UNC5D: variants seen among roughly 807,000 people sequenced by gnomAD.
UNC5D encodes the protein netrin receptor UNC5D.
Under a neutral mutation model 105.4 loss-of-function variants are expected in UNC5D, and 39 were observed. That is an observed-to-expected ratio of 0.37 (90% CI 0.29 to 0.48). UNC5D has a LOEUF of 0.48. Ranked by LOEUF, UNC5D falls within the 20% of genes least tolerant of loss-of-function variation. The probability of loss-of-function intolerance (pLI) is 0.98; values close to 1 mark genes in which losing one functional copy is unlikely to be tolerated. For synonymous variants in UNC5D, 452 were observed against 450.4 expected, an observed-to-expected ratio of 1.00 and a Z score of -0.04; for missense variants, 991 against 1,202.4, an observed-to-expected ratio of 0.82 and a Z score of 2.60.
At chr8:35,643,461 C>T (rs1472022764) in intron 4 of UNC5D, among the ~76,000 whole-genome samples, 2 of 152,126 alleles carry the variant, frequency 1.3e-5, no homozygotes, top group East Asian at 3.9e-4. Context: ...GGACTACAGG[C>T]ACATGCCACC....
intron 1 of UNC5D, among the ~76,000 whole-genome samples, chr8:35,360,913 C>T (rs10503978): frequency 0.012 from 1,792 of 152,204 alleles, 65 homozygotes; most frequent in Admixed American, 0.062. Flanking sequence ...GATTGGAACA[C>T]TATTGCAAAA....
chr8:35,498,693 G>A (rs957233430), intron 1 of UNC5D, among the ~76,000 whole-genome samples: 10 of 152,100 alleles, frequency 6.6e-5, no homozygotes, highest in Non-Finnish European at 1.5e-4. Context: ...GAGGTTGGCT[G>A]AATTTCGTCA....
intron 1 of UNC5D, among the ~76,000 whole-genome samples, chr8:35,354,555 C>T (rs530886536): frequency 2.0e-5 from 3 of 152,198 alleles, no homozygotes; most frequent in East Asian, 3.9e-4. Flanking sequence ...ATCATTGATC[C>T]GACCTCTTTC....
chr8:35,644,683 T>C (rs911325109), intron 4 of UNC5D, among the ~76,000 whole-genome samples: 1 of 152,172 alleles, frequency 6.6e-6, no homozygotes, highest in Non-Finnish European at 1.5e-5. Context: ...CTTGCCTTCA[T>C]TGATATAGAA....
chr8:35,261,816 G>A (rs976354436), intron 1 of UNC5D, among the ~76,000 whole-genome samples: 13 of 152,236 alleles, frequency 8.5e-5, no homozygotes, highest in Middle Eastern at 3.4e-3. Context: ...TAGAGGTTTC[G>A]TTGTGTTAGT....
chr8:35,414,454 AAT>A (rs1411362618), intron 1 of UNC5D, among the ~76,000 whole-genome samples: 3 of 152,138 alleles, frequency 2.0e-5, no homozygotes, highest in Admixed American at 6.6e-5. Context: ...TATTTAAAAA[AAT>A]AGTCTACCTG....
Position 35,634,977 on chromosome 8 carries a change from G to A in UNC5D, c.570+39320G>A, listed in dbSNP as rs544493555. 1.2e-4 allele frequency among the ~76,000 whole-genome samples: 18 copies of A among 152,142 alleles called. No homozygotes were observed. The South Asian group carries it at 3.5e-3, about 30-fold the overall frequency. On this transcript the variant is annotated intron_variant, in intron 4 of 16. Transcript: ENST00000404895. ...GACGGGATTTCTCCACGTTGGTCAG[G>A]CTGGTCTTGAACTCCTGACCTCAGG...
chr8:35,790,675 A>C lies in UNC5D; in HGVS notation c.*112A>C, dbSNP rs1179079852. The C allele has an allele frequency of 4.2e-6, 5 of 1,180,932 alleles. No individual in the cohort carries two copies. The highest frequency in any genetic ancestry group is 6.1e-6 in the Non-Finnish European group (5 of 826,020). The allele number at this position is 1,180,932 out of a possible 1,614,324, so 73.2% of individuals were successfully genotyped here. A position where few individuals can be genotyped will look rare whatever the true frequency, so the allele number is the denominator to read the frequency against. Reference sequence around the variant, plus strand: ...TTGGGGGAATTCAGCCTTCATTTATAATCAGTGAGATTCCCCTGTTGAAGA... The same window carrying C: ...TTGGGGGAATTCAGCCTTCATTTATCATCAGTGAGATTCCCCTGTTGAAGA... On this transcript the variant is annotated 3_prime_UTR_variant, in exon 17 of 17. Transcript: ENST00000404895.
At chr8:35,357,143 A>G (rs1312064315) in intron 1 of UNC5D, among the ~76,000 whole-genome samples, 1 of 151,952 alleles carries the variant, frequency 6.6e-6, no homozygotes, top group African/African-American at 2.4e-5. Context: ...AACCAGTTTT[A>G]TCTCCCTCCT....
chr8:35,411,708 A>C (rs1275649785), intron 1 of UNC5D, among the ~76,000 whole-genome samples: 1 of 152,028 alleles, frequency 6.6e-6, no homozygotes, highest in Non-Finnish European at 1.5e-5. Context: ...TATAAATAGC[A>C]CTGACATTGC....
At chr8:35,722,446 C>T (rs1217691839) in intron 9 of UNC5D, 51 bp downstream of exon 9, 1 of 1,576,748 alleles carries the variant, frequency 6.3e-7, no homozygotes, top group Non-Finnish European at 8.6e-7. Context: ...ATAGACTACG[C>T]TCACACTAGA....
chr8:35,599,169 A>AT lies in UNC5D; in HGVS notation c.570+3512_570+3513insT, dbSNP rs1819677219. Among the ~76,000 whole-genome samples the AT allele has an allele frequency of 2.1e-5, 3 of 140,758 alleles. No individual in the cohort carries two copies. In the South Asian group the frequency reaches 6.8e-4, roughly 32 times the overall value. 92.3% of individuals were successfully genotyped at this position (140,758 alleles called of 152,430 possible). A position where few individuals can be genotyped will look rare whatever the true frequency, so the allele number is the denominator to read the frequency against. On this transcript the variant is annotated intron_variant, in intron 4 of 16. Coordinates refer to ENST00000404895, the MANE Select transcript of UNC5D (RefSeq NM_080872.4). ...AAAAAAAAAAAAAAAAAAAAAAAAA[A>AT]GCTGAAGTCACAGAACTAGAGTAGA...
At position 35,683,699 on chromosome 8, in the gene UNC5D, A is replaced by G. The variant is rs746527094; in HGVS notation, c.723A>G (p.Arg241=). The change falls in exon 5 of 17, where the codon AGA becomes AGG. Residue 241 remains arginine, a synonymous_variant. Transcript: ENST00000404895. ...CMAANIVAKR[R]SLSATVVVYV... ...CAGCCAACATCGTGGCTAAGAGGAG[A>G]AGCCTGTCGGCCACTGTTGTGGTCT... The G allele has an allele frequency of 6.4e-6, 10 of 1,553,696 alleles. No homozygotes were observed. Among genetic ancestry groups the G allele is most frequent in the Non-Finnish European group, 8.6e-6 (10 of 1,159,382 alleles).
At chr8:35,449,629 A>T (rs192497379) in intron 1 of UNC5D, among the ~76,000 whole-genome samples, 1 of 152,122 alleles carries the variant, frequency 6.6e-6, no homozygotes, top group East Asian at 1.9e-4. Flanking sequence ...AATTTCACTT[A>T]TGTAACTTAA....
intron 4 of UNC5D, among the ~76,000 whole-genome samples, chr8:35,606,944 C>T (rs1212775570): frequency 6.6e-6 from 1 of 152,156 alleles, no homozygotes; most frequent in Non-Finnish European, 1.5e-5. Flanking sequence ...GCATGCCCAT[C>T]TGTTCAGTTA....
In UNC5D at chr8:35,724,156, T is replaced by G. The variant is rs1359184764; in HGVS notation, c.1303+1761T>G. ...CCTGTCTGGGGAGTGCTGACTTGCC[T>G]ACACTTAAACTCAACTTATGTGTAT... On this transcript the variant is annotated intron_variant, in intron 9 of 16. Transcript: ENST00000404895. 4 of 1,452,168 alleles carry G rather than the reference T, an allele frequency of 2.8e-6. No individual in the cohort carries two copies. The African/African-American group carries it at 5.6e-5, about 21-fold the overall frequency. 90.0% of individuals were successfully genotyped at this position (1,452,168 alleles called of 1,614,324 possible). A position where few individuals can be genotyped will look rare whatever the true frequency, so the allele number is the denominator to read the frequency against.
intron 1 of UNC5D, among the ~76,000 whole-genome samples, chr8:35,385,614 C>T (rs2128935994): frequency 6.6e-6 from 1 of 152,080 alleles, no homozygotes; most frequent in African/African-American, 2.4e-5. Context: ...TACAGGCACC[C>T]GCCACCACGC....
At chr8:35,333,893 C>A (rs774691027) in intron 1 of UNC5D, among the ~76,000 whole-genome samples, 7 of 152,152 alleles carry the variant, frequency 4.6e-5, no homozygotes, top group East Asian at 1.9e-4. Context: ...TAGTAAATTA[C>A]CTATATTACT....
At chr8:35,420,697 A>G (rs1287657945) in intron 1 of UNC5D, among the ~76,000 whole-genome samples, 1 of 151,724 alleles carries the variant, frequency 6.6e-6, no homozygotes, top group Non-Finnish European at 1.5e-5. Context: ...TGACTGGAAA[A>G]ATCATACTGA....
Sources: gnomAD v4.1 joint callset for allele counts (sites outside exome capture counted in the v4.1 genomes callset) on GRCh38, gnomAD v4.1.1 for gene constraint, MANE v1.5 for transcripts, NCBI Gene and HGNC (gene_info 2026-07-23, HGNC 2026-07-21) for gene names.